The following FRY variants were observed in gnomAD, a reference collection of about 807,000 sequenced individuals.
FRY encodes FRY microtubule binding protein, also known as protein furry homolog.
Under a neutral mutation model 348.4 loss-of-function variants are expected in FRY, and 128 were observed. The ratio of observed to expected loss-of-function variants is 0.37; its 90% CI spans 0.32 to 0.43. The LOEUF is 0.43. Among genes scored for constraint, FRY ranks in the 20% least tolerant of loss-of-function variants. The pLI is 1.00. For missense variants in FRY, 2,736 were observed against 3,695.2 expected, an observed-to-expected ratio of 0.74 and a Z score of 6.73; for synonymous variants, 1,370 against 1,374.7, an observed-to-expected ratio of 1.00 and a Z score of 0.08.
Position 32,189,379 on chromosome 13 carries a change from A to C in FRY, c.3591+1723A>C, listed in dbSNP as rs1355723450. Among the ~76,000 whole-genome samples, 5 of 152,204 alleles carry C rather than the reference A, an allele frequency of 3.3e-5. No individual in the cohort carries two copies. In the South Asian group the frequency reaches 1.0e-3, roughly 32 times the overall value. On this transcript the variant is annotated intron_variant, in intron 28 of 60. Coordinates refer to ENST00000542859, the MANE Select transcript of FRY (RefSeq NM_023037.3). ...AATTTTTTCATAATATACATTTTCC[A>C]TGAGCTTTCTGAAGACTCTCATATT...
chr13:32,067,464 A>G (rs558871106), intron 1 of FRY, among the ~76,000 whole-genome samples: 1 of 152,164 alleles, frequency 6.6e-6, no homozygotes, highest in African/African-American at 2.4e-5. Context: ...ATTTAATGAA[A>G]CCAGAGAAGT....
chr13:32,233,827 CACA>C (rs1268432601), intron 41 of FRY, among the ~76,000 whole-genome samples: 5 of 152,276 alleles, frequency 3.3e-5, no homozygotes, highest in South Asian at 2.1e-4. Context: ...GTTTAATTTT[CACA>C]ACAACTGTAC....
At chr13:32,142,369 A>G (rs1190623493) in intron 11 of FRY, among the ~76,000 whole-genome samples, 1 of 152,254 alleles carries the variant, frequency 6.6e-6, no homozygotes, top group African/African-American at 2.4e-5. Context: ...GAAAATTAAA[A>G]TGAGTTAATA....
intron 2 of FRY, among the ~76,000 whole-genome samples, chr13:32,080,843 T>C (rs896307986): frequency 6.6e-6 from 1 of 152,220 alleles, no homozygotes; most frequent in African/African-American, 2.4e-5. Flanking sequence ...ATGACAGGTC[T>C]AGTCTCTTTG....
At chr13:32,099,988 C>G (rs1229820384) in intron 2 of FRY, among the ~76,000 whole-genome samples, 1 of 152,048 alleles carries the variant, frequency 6.6e-6, no homozygotes, top group African/African-American at 2.4e-5. Context: ...CCAGTTACAC[C>G]TAGTAAATGT....
rs112932271 is a variant in FRY at position 32,275,878 on chromosome 13, C to CT, written c.8287-573dup. 3.1e-3 allele frequency among the ~76,000 whole-genome samples: 457 copies of CT among 145,114 alleles called. 3 individuals are homozygous for CT. Among genetic ancestry groups the CT allele is most frequent in the African/African-American group, 1.0e-2 (395 of 39,636 alleles). ...CTGGAGGGTGGGAGTTGTGTGATAC[C>CT]TTTTTTTTTTTTTAGCCCCCATGAT... is the stretch of plus-strand genomic sequence containing the variant. On this transcript the variant is annotated intron_variant, in intron 56 of 60. Transcript: ENST00000542859.
At chr13:32,067,244 C>G (rs763095668) in intron 1 of FRY, among the ~76,000 whole-genome samples, 1 of 152,210 alleles carries the variant, frequency 6.6e-6, no homozygotes, top group Middle Eastern at 3.2e-3. Flanking sequence ...TCCTTTAAGA[C>G]CTGGGTCAAA....
chr13:32,109,416 A>G (rs1877807457), intron 3 of FRY, among the ~76,000 whole-genome samples: 1 of 152,192 alleles, frequency 6.6e-6, no homozygotes, highest in Non-Finnish European at 1.5e-5. Flanking sequence ...TGCTCTAGGA[A>G]CTCAGATAAA....
chr13:32,275,632 C>T (rs547209032), intron 56 of FRY, among the ~76,000 whole-genome samples: 6 of 152,304 alleles, frequency 3.9e-5, no homozygotes, highest in South Asian at 2.1e-4. Context: ...CTGACCTAGC[C>T]GGTGCCCATG....
At chr13:32,190,518 T>C (rs1055246131) in intron 28 of FRY, among the ~76,000 whole-genome samples, 21 of 152,070 alleles carry the variant, frequency 1.4e-4, no homozygotes, top group African/African-American at 4.6e-4. Flanking sequence ...ACAGCAACGA[T>C]GGGGAGCTGG....
At chr13:32,122,660 T>C (rs1260141440) in intron 4 of FRY, among the ~76,000 whole-genome samples, 1 of 152,124 alleles carries the variant, frequency 6.6e-6, no homozygotes, top group East Asian at 1.9e-4. Context: ...CACTCTTCTT[T>C]AACATAGTAC....
intron 43 of FRY, among the ~76,000 whole-genome samples, chr13:32,236,734 C>T (rs1486317470): frequency 1.3e-5 from 2 of 151,922 alleles, no homozygotes; most frequent in South Asian, 2.1e-4. Context: ...GAAATTGAGT[C>T]GGTAATGTTA....
chr13:32,071,856 G>T (rs1328113606), intron 1 of FRY, among the ~76,000 whole-genome samples: 1 of 151,630 alleles, frequency 6.6e-6, no homozygotes, highest in Non-Finnish European at 1.5e-5. Flanking sequence ...TTAAAAATTT[G>T]GTAAGAGAGT....
intron 7 of FRY, among the ~76,000 whole-genome samples, chr13:32,128,772 T>C (rs1282489371): frequency 3.9e-5 from 6 of 152,168 alleles, no homozygotes; most frequent in Admixed American, 2.0e-4. Flanking sequence ...TTCTTGTTAT[T>C]GTTATTCTGA....
At chr13:32,143,325 G>C (rs995401177) in intron 11 of FRY, among the ~76,000 whole-genome samples, 3 of 152,188 alleles carry the variant, frequency 2.0e-5, no homozygotes, top group African/African-American at 7.2e-5. Flanking sequence ...ATCTTGAAAT[G>C]CTAAAAACCA....
At chr13:32,256,003 G>A (rs984852879) in intron 51 of FRY, among the ~76,000 whole-genome samples, 2 of 152,188 alleles carry the variant, frequency 1.3e-5, no homozygotes, top group Non-Finnish European at 2.9e-5. Flanking sequence ...TAGCAGGAAT[G>A]ATGTAAAGCG....
Position 32,295,568 on chromosome 13 carries a change from C to T in FRY, c.*108C>T. ...CAAAAGGCTTGGACAGACTGTTCTC[C>T]CTCTTGTTACCTGTAGGGCTTTTTC... is the stretch of plus-strand genomic sequence containing the variant. On this transcript the variant is annotated 3_prime_UTR_variant, in exon 61 of 61. Transcript: ENST00000542859. The T allele has an allele frequency of 9.8e-7, 1 of 1,017,968 alleles. No individual in the cohort carries two copies. Among genetic ancestry groups the T allele is most frequent in the Non-Finnish European group, 1.5e-6 (1 of 659,764 alleles). 63.1% of individuals were successfully genotyped at this position (1,017,968 alleles called of 1,614,324 possible). A position where few individuals can be genotyped will look rare whatever the true frequency, so the allele number is the denominator to read the frequency against.
chr13:32,074,253 C>T (rs1874867581), intron 1 of FRY, among the ~76,000 whole-genome samples: 2 of 151,948 alleles, frequency 1.3e-5, no homozygotes, highest in Admixed American at 6.6e-5. Flanking sequence ...CAATTAGGAA[C>T]AGAATTTGGA....
chr13:32,127,595 T>G (rs370737485), intron 7 of FRY, among the ~76,000 whole-genome samples: 15 of 152,152 alleles, frequency 9.9e-5, no homozygotes, highest in Non-Finnish European at 1.9e-4. Context: ...GGCTAACACG[T>G]TGAAACCCCG....
Sources: allele counts gnomAD v4.1 joint callset (sites outside exome capture counted in the v4.1 genomes callset), GRCh38; gene constraint gnomAD v4.1.1; transcripts MANE v1.5; gene names NCBI Gene and HGNC (gene_info 2026-07-23, HGNC 2026-07-21).